The following CCDC32 variants were observed in gnomAD, a reference collection of about 807,000 sequenced individuals.
CCDC32 encodes coiled-coil domain-containing protein 32.
In CCDC32, 9 loss-of-function variants were observed where a neutral mutation model predicts 20.1. The observed-to-expected ratio is 0.45, with a 90% CI of 0.27 to 0.78. The LOEUF (loss-of-function observed/expected upper bound fraction) is 0.78. Ranked by LOEUF, CCDC32 falls within the 30% of genes least tolerant of loss-of-function variation. The probability of loss-of-function intolerance (pLI) is 0.16; values close to 1 mark genes in which losing one functional copy is unlikely to be tolerated. For synonymous variants in CCDC32, 63 were observed against 79.0 expected (o/e 0.80, Z 1.07); for missense variants, 204 against 215.5 (o/e 0.95, Z 0.33).
chr15:40,534,723 C>A, downstream of CCDC32: 1 of 595,124 alleles, frequency 1.7e-6, no homozygotes, highest in Admixed American at 2.8e-5. Flanking sequence ...AGGTCTCTGG[C>A]CCCTTTTTGT....
downstream of CCDC32, among the ~76,000 whole-genome samples, chr15:40,528,046 A>G (rs1179330732): frequency 3.3e-5 from 5 of 152,216 alleles, no homozygotes; most frequent in African/African-American, 7.2e-5. Context: ...AAAATGGGCA[A>G]TAATCTTTTC....
downstream of CCDC32, chr15:40,532,241 G>C (rs2141597695): frequency 2.8e-6 from 2 of 702,946 alleles, no homozygotes; most frequent in South Asian, 3.0e-5. Context: ...TAGAAGGATG[G>C]TAACATACTA....
At chr15:40,526,776 G>A (rs1444539922), downstream of CCDC32, among the ~76,000 whole-genome samples, 1 of 152,154 alleles carries the variant, frequency 6.6e-6, no homozygotes, top group African/African-American at 2.4e-5. Context: ...AGCTGGGCAT[G>A]GTGGCATGTG....
chr15:40,533,088 C>T (rs1888954930), downstream of CCDC32, among the ~76,000 whole-genome samples: 1 of 152,132 alleles, frequency 6.6e-6, no homozygotes, highest in South Asian at 2.1e-4. Context: ...ATCATGAGCT[C>T]TGTACCAGGT....
At chr15:40,527,234 G>T (rs569989650), downstream of CCDC32, among the ~76,000 whole-genome samples, 1 of 151,964 alleles carries the variant, frequency 6.6e-6, no homozygotes, top group South Asian at 2.1e-4. Flanking sequence ...GCAGTGGCAC[G>T]ATCTCAGCTC....
intron 3 of CCDC32, among the ~76,000 whole-genome samples, chr15:40,541,611 C>G (rs1889398134): frequency 6.6e-6 from 1 of 152,168 alleles, no homozygotes; most frequent in Non-Finnish European, 1.5e-5. Flanking sequence ...GGATTACAGG[C>G]CACCGCGCTT....
downstream of CCDC32, among the ~76,000 whole-genome samples, chr15:40,529,925 T>A (rs1483450140): frequency 6.6e-5 from 10 of 151,190 alleles, 1 homozygote; most frequent in Non-Finnish European, 1.3e-4. Flanking sequence ...CCTCCCAAAG[T>A]GCTGGGATTA....
chr15:40,554,793 T>A (rs958636763), intron 3 of CCDC32, among the ~76,000 whole-genome samples: 3 of 152,174 alleles, frequency 2.0e-5, no homozygotes, highest in African/African-American at 4.8e-5. Flanking sequence ...CCGCCTTCCT[T>A]ACAGGACCCT....
At position 40,553,705 on chromosome 15, in the gene CCDC32, G is replaced by A; in HGVS notation, c.*266C>T. 8.1e-7 allele frequency: 1 copy of A among 1,238,306 alleles called. No individual in the cohort carries two copies. The highest frequency in any genetic ancestry group is 1.0e-6 in the Non-Finnish European group (1 of 989,598). The allele number at this position is 1,238,306 out of a possible 1,614,324, so 76.7% of individuals were successfully genotyped here. A position where few individuals can be genotyped will look rare whatever the true frequency, so the allele number is the denominator to read the frequency against. On this transcript the variant is annotated 3_prime_UTR_variant, in exon 4 of 4. Transcript: ENST00000416810. ...GCCAAGCTGTGAGACACAGAGGAAA[G>A]CAGCATTTTGATCCAGTGTGCACTG...
intron 2 of CCDC32, 44 bp from the exon 3 acceptor site, chr15:40,557,416 T>G: frequency 5.8e-6 from 9 of 1,545,018 alleles, no homozygotes; most frequent in Non-Finnish European, 7.8e-6. Context: ...GAGCATGACA[T>G]GAAATTTTAA....
downstream of CCDC32, chr15:40,534,633 C>T (rs1320956466): frequency 1.3e-5 from 5 of 376,054 alleles, no homozygotes; most frequent in Non-Finnish European, 2.4e-5. Flanking sequence ...CAAGATGAGA[C>T]TTGGATTGGG....
At chr15:40,540,742 T>C (rs553313503) in intron 3 of CCDC32, among the ~76,000 whole-genome samples, 1 of 152,270 alleles carries the variant, frequency 6.6e-6, no homozygotes, top group South Asian at 2.1e-4. Context: ...CTCTCATCTA[T>C]CCTAACCTTG....
At chr15:40,544,269 G>A (rs747704189) in intron 3 of CCDC32, among the ~76,000 whole-genome samples, 1 of 152,048 alleles carries the variant, frequency 6.6e-6, no homozygotes, top group Non-Finnish European at 1.5e-5. Flanking sequence ...GATAGGGTGC[G>A]GTAGGGCAAT....
At position 40,553,890 on chromosome 15, in the gene CCDC32, G is replaced by A. The variant is rs1431983373; in HGVS notation, c.*81C>T. 1.3e-5 allele frequency: 19 copies of A among 1,498,248 alleles called. No individual in the cohort carries two copies. Among genetic ancestry groups the A allele is most frequent in the African/African-American group, 2.7e-5 (2 of 72,764 alleles). The allele number at this position is 1,498,248 out of a possible 1,614,324, so 92.8% of individuals were successfully genotyped here. A position where few individuals can be genotyped will look rare whatever the true frequency, so the allele number is the denominator to read the frequency against. ...GCTCCACGCTGCTCGCTCTGGACCC[G>A]AGACAGCTGCTCGGCGTGTGTGTGT... On this transcript the variant is annotated 3_prime_UTR_variant, in exon 4 of 4. Transcript: ENST00000416810.
Position 40,553,666 on chromosome 15 carries a change from A to G in CCDC32, c.*305T>C, listed in dbSNP as rs755192335. ...GATCTTTAGCAGACTTCTAACCTGCAGAGACAGAGCTCAGCCAAGCTGTGA... is the reference window on the plus strand; with the variant it reads ...GATCTTTAGCAGACTTCTAACCTGCGGAGACAGAGCTCAGCCAAGCTGTGA... On this transcript the variant is annotated 3_prime_UTR_variant, in exon 4 of 4. Coordinates refer to ENST00000416810, the MANE Select transcript of CCDC32 (RefSeq NM_001080792.4). The G allele has an allele frequency of 9.2e-5, 106 of 1,156,684 alleles. No homozygotes were observed. The highest frequency in any genetic ancestry group is 1.1e-4 in the Non-Finnish European group (99 of 941,426). 71.7% of individuals were successfully genotyped at this position (1,156,684 alleles called of 1,614,324 possible). A position where few individuals can be genotyped will look rare whatever the true frequency, so the allele number is the denominator to read the frequency against.
chr15:40,544,240 A>T (rs528074438), intron 3 of CCDC32, among the ~76,000 whole-genome samples: 8 of 152,182 alleles, frequency 5.3e-5, no homozygotes, highest in African/African-American at 1.9e-4. Flanking sequence ...TTGAGACAGG[A>T]TCTTGCTCTG....
chr15:40,547,572 A>G (rs759916355), intron 3 of CCDC32, among the ~76,000 whole-genome samples: 3 of 152,124 alleles, frequency 2.0e-5, no homozygotes, highest in Non-Finnish European at 4.4e-5. Flanking sequence ...GCCCCTGGGT[A>G]GGGGGTTTCT....
intron 3 of CCDC32, among the ~76,000 whole-genome samples, chr15:40,554,363 C>G (rs1236029887): frequency 1.3e-5 from 2 of 152,100 alleles, no homozygotes; most frequent in Non-Finnish European, 2.9e-5. Flanking sequence ...AGCAGCAGGC[C>G]CCCTTCAAAT....
downstream of CCDC32, among the ~76,000 whole-genome samples, chr15:40,528,193 G>A (rs75893575): frequency 0.035 from 5,355 of 152,324 alleles, 135 homozygotes; most frequent in Middle Eastern, 0.095. Context: ...GCTAACACTT[G>A]CACGGTCAGT....
Sources: gnomAD v4.1 joint callset for allele counts (sites outside exome capture counted in the v4.1 genomes callset) on GRCh38, gnomAD v4.1.1 for gene constraint, MANE v1.5 for transcripts, NCBI Gene and HGNC (gene_info 2026-07-23, HGNC 2026-07-21) for gene names.